Variants in SUCLG2 observed in about 807,000 individuals in gnomAD.
The protein encoded by SUCLG2 is succinate-CoA ligase GDP-forming subunit beta, also known as succinate--CoA ligase [GDP-forming] subunit beta, mitochondrial.
A neutral mutation model predicts 47.9 loss-of-function variants in SUCLG2; 42 were observed. That is an observed-to-expected ratio of 0.88 (90% CI 0.69 to 1.14). SUCLG2 has a LOEUF of 1.14. Among genes scored for constraint, SUCLG2 ranks in the 50% most tolerant of loss-of-function variants. The probability of loss-of-function intolerance (pLI) is 0.00; values close to 1 mark genes in which losing one functional copy is unlikely to be tolerated. For missense variants in SUCLG2, 571 were observed against 525.9 expected (o/e 1.09, Z -0.84); for synonymous variants, 195 against 197.3 (o/e 0.99, Z 0.10).
chr3:67,537,967 T>C (rs1275786342), intron 2 of SUCLG2, among the ~76,000 whole-genome samples: 1 of 152,234 alleles, frequency 6.6e-6, no homozygotes, highest in Admixed American at 6.5e-5. Flanking sequence ...TTCTGGATAT[T>C]AGCCCTTTGT....
intron 1 of SUCLG2, among the ~76,000 whole-genome samples, chr3:67,649,990 A>G (rs1251877667): frequency 6.6e-6 from 1 of 152,226 alleles, no homozygotes; most frequent in African/African-American, 2.4e-5. Context: ...CACCCATAAA[A>G]GAAATGCCTT....
chr3:67,580,555 C>G (rs1294239780), intron 2 of SUCLG2, among the ~76,000 whole-genome samples: 1 of 152,148 alleles, frequency 6.6e-6, no homozygotes, highest in Non-Finnish European at 1.5e-5. Context: ...CCTCGGGGCA[C>G]TGGGAGAGAT....
At chr3:67,526,585 G>A (rs1267227155) in intron 4 of SUCLG2, among the ~76,000 whole-genome samples, 1 of 152,150 alleles carries the variant, frequency 6.6e-6, no homozygotes. Flanking sequence ...TGGCAAATAA[G>A]CACATGAAAA....
chr3:67,459,847 C>T (rs1423511756), intron 9 of SUCLG2, among the ~76,000 whole-genome samples: 1 of 152,110 alleles, frequency 6.6e-6, no homozygotes, highest in African/African-American at 2.4e-5. Context: ...GCAATGGTAC[C>T]GTTCTAAGGT....
chr3:67,519,677 A>C (rs556940870), intron 5 of SUCLG2, among the ~76,000 whole-genome samples: 1 of 152,358 alleles, frequency 6.6e-6, no homozygotes, highest in Non-Finnish European at 1.5e-5. Context: ...TTTCTAAAAG[A>C]AATAATGAAT....
intron 2 of SUCLG2, 101 bp from the exon 3 acceptor site, chr3:67,529,287 G>C (rs948975576): frequency 6.1e-6 from 5 of 814,024 alleles, no homozygotes; most frequent in Non-Finnish European, 9.7e-6. Flanking sequence ...CCAAGTAACT[G>C]GTAAAAGCTC....
At chr3:67,405,314 T>A (rs1161099617) in intron 9 of SUCLG2, among the ~76,000 whole-genome samples, 1 of 152,148 alleles carries the variant, frequency 6.6e-6, no homozygotes, top group Non-Finnish European at 1.5e-5. Flanking sequence ...AGTACACAAT[T>A]AAAAGTAAAA....
At chr3:67,473,628 G>T (rs73104355) in intron 9 of SUCLG2, among the ~76,000 whole-genome samples, 3,322 of 152,092 alleles carry the variant, frequency 0.022, 50 homozygotes, top group African/African-American at 0.037. Context: ...ATTTTAGAGG[G>T]AGTTTTATTT....
chr3:67,585,688 C>T (rs568254807), intron 2 of SUCLG2, among the ~76,000 whole-genome samples: 56 of 152,130 alleles, frequency 3.7e-4, no homozygotes, highest in Non-Finnish European at 6.6e-4. Flanking sequence ...TTAGGCTGGG[C>T]GCAGTGGCTC....
intron 2 of SUCLG2, among the ~76,000 whole-genome samples, chr3:67,568,584 A>G (rs1707527484): frequency 6.6e-6 from 1 of 152,186 alleles, no homozygotes; most frequent in Non-Finnish European, 1.5e-5. Context: ...TAGAGCAGCA[A>G]GCTTTTAAAA....
intron 9 of SUCLG2, among the ~76,000 whole-genome samples, chr3:67,433,336 T>A (rs1703534184): frequency 1.3e-5 from 2 of 152,340 alleles, no homozygotes; most frequent in South Asian, 4.1e-4. Flanking sequence ...TACTGGTTTA[T>A]TTTTTCATTC....
intron 10 of SUCLG2, among the ~76,000 whole-genome samples, chr3:67,398,963 T>C (rs536097207): frequency 8.1e-5 from 11 of 136,404 alleles, no homozygotes; most frequent in Admixed American, 1.7e-4. Flanking sequence ...TAGGTGGGAA[T>C]TGAACAATCA....
At chr3:67,560,145 T>G (rs1707270887) in intron 2 of SUCLG2, among the ~76,000 whole-genome samples, 1 of 152,214 alleles carries the variant, frequency 6.6e-6, no homozygotes, top group Admixed American at 6.5e-5. Context: ...ATTCAGTTGT[T>G]GAAGTCCTAA....
At chr3:67,622,165 T>C (rs973545555) in intron 1 of SUCLG2, among the ~76,000 whole-genome samples, 1 of 152,192 alleles carries the variant, frequency 6.6e-6, no homozygotes, top group Non-Finnish European at 1.5e-5. Context: ...TCCAATGGAA[T>C]ACTGTAAAAT....
chr3:67,631,364 A>C (rs1199544251), intron 1 of SUCLG2, among the ~76,000 whole-genome samples: 1 of 152,160 alleles, frequency 6.6e-6, no homozygotes, highest in Admixed American at 6.5e-5. Context: ...GTGAGGGCTC[A>C]TACCTGTACT....
chr3:67,539,846 C>T lies in SUCLG2; in HGVS notation c.227-10660G>A, dbSNP rs144168837. Among the ~76,000 whole-genome samples, 669 of 152,218 alleles carry T rather than the reference C, an allele frequency of 4.4e-3. 8 individuals carry two copies. The East Asian group carries it at 0.053, about 12-fold the overall frequency. On this transcript the variant is annotated intron_variant, in intron 2 of 10. Coordinates refer to ENST00000307227, the MANE Select transcript of SUCLG2 (RefSeq NM_003848.4). ...TTCCAGACTTTCTAGTTTATTTGCA[C>T]AGAGGTGTTTATAGTATTCTCTGAC...
chr3:67,569,259 T>G (rs1030066303), intron 2 of SUCLG2, among the ~76,000 whole-genome samples: 3 of 152,254 alleles, frequency 2.0e-5, no homozygotes, highest in African/African-American at 7.2e-5. Flanking sequence ...TTTCTAGCAC[T>G]CATAGAGTTT....
At chr3:67,473,976 G>C (rs1462090849) in intron 9 of SUCLG2, among the ~76,000 whole-genome samples, 2 of 152,136 alleles carry the variant, frequency 1.3e-5, no homozygotes, top group Non-Finnish European at 2.9e-5. Flanking sequence ...TACACTAACA[G>C]GTCAGGCATG....
chr3:67,515,067 G>A (rs1348900070), intron 6 of SUCLG2, among the ~76,000 whole-genome samples: 1 of 152,128 alleles, frequency 6.6e-6, no homozygotes. Context: ...GTCTTACCAT[G>A]TAGACATTGC....
Sources: allele counts gnomAD v4.1 joint callset (sites outside exome capture counted in the v4.1 genomes callset), GRCh38; gene constraint gnomAD v4.1.1; transcripts MANE v1.5; gene names NCBI Gene and HGNC (gene_info 2026-07-23, HGNC 2026-07-21).